The following SPPL2B variants were observed in gnomAD, a reference collection of about 807,000 sequenced individuals.
SPPL2B encodes the protein signal peptide peptidase-like 2B.
A neutral mutation model predicts 59.7 loss-of-function variants in SPPL2B; 39 were observed. That is an observed-to-expected ratio of 0.65 (90% CI 0.51 to 0.85). The LOEUF is 0.85. Among genes scored for constraint, SPPL2B ranks in the 40% least tolerant of loss-of-function variants. The pLI is 0.00. For synonymous variants in SPPL2B, 419 were observed against 370.8 expected, an observed-to-expected ratio of 1.13 and a Z score of -1.49; for missense variants, 865 against 849.0, an observed-to-expected ratio of 1.02 and a Z score of -0.23.
chr19:2,341,589 G>A (rs1224548599), intron 8 of SPPL2B: 8 of 456,072 alleles, frequency 1.8e-5, no homozygotes, highest in Admixed American at 9.4e-5. Context: ...GTCCCCGCCC[G>A]GTCCCCACCG....
At chr19:2,350,445 C>T (rs370304865) in intron 13 of SPPL2B, among the ~76,000 whole-genome samples, 1 of 151,350 alleles carries the variant, frequency 6.6e-6, no homozygotes, top group African/African-American at 2.4e-5. Flanking sequence ...CTCTCATTCG[C>T]TTGATTCCGT....
intron 13 of SPPL2B, 136 bp downstream of exon 13, chr19:2,345,466 A>T (rs1044752194): frequency 2.8e-6 from 2 of 717,022 alleles, no homozygotes; most frequent in Non-Finnish European, 4.7e-6. Flanking sequence ...TAACCATAAC[A>T]CCCTAACCCT....
intron 13 of SPPL2B, among the ~76,000 whole-genome samples, chr19:2,346,819 T>C (rs1030534457): frequency 6.6e-6 from 1 of 152,228 alleles, no homozygotes; most frequent in African/African-American, 2.4e-5. Flanking sequence ...TGTGTCTGTC[T>C]GCGTCTGTTG....
rs1969000635 is a variant in SPPL2B at position 2,341,029 on chromosome 19, CCCCGGGCCCCGGCGGGCA to C, written c.956+16_956+33del. 6.3e-7 allele frequency: 1 copy of C among 1,586,378 alleles called. No individual in the cohort carries two copies. Among genetic ancestry groups the C allele is most frequent in the Non-Finnish European group, 8.6e-7 (1 of 1,165,240 alleles). Reference sequence around the variant, plus strand: ...AACGAGGACCAGTAAGTGCTGCTTCCCCCGGGCCCCGGCGGGCAGCGGAGTCCTCGGGTGCACCAGGGC... The same window carrying C: ...AACGAGGACCAGTAAGTGCTGCTTCCGCGGAGTCCTCGGGTGCACCAGGGC... On this transcript the variant is annotated intron_variant, in intron 8 of 14. Transcript: ENST00000613503.
At chr19:2,328,818 C>T (rs1968125337) in intron 1 of SPPL2B, 43 bp downstream of exon 1, 16 of 1,335,242 alleles carry the variant, frequency 1.2e-5, no homozygotes, top group Middle Eastern at 2.3e-4. Context: ...GGCTGCGGCC[C>T]TTCGGCCTCT....
At chr19:2,343,168 C>T (rs1157457226) in intron 8 of SPPL2B, 43 bp from the exon 9 acceptor site, 2 of 1,515,258 alleles carry the variant, frequency 1.3e-6, no homozygotes, top group Non-Finnish European at 1.8e-6. Context: ...CCTGGGTGGT[C>T]AGCCAGCCTC....
At chr19:2,350,120 C>G (rs555491959) in intron 13 of SPPL2B, among the ~76,000 whole-genome samples, 73 of 147,004 alleles carry the variant, frequency 5.0e-4, no homozygotes, top group African/African-American at 1.6e-3. Context: ...CACTCGCGCT[C>G]TCATTTGCTT....
chr19:2,346,952 C>T (rs1969403519), intron 13 of SPPL2B, among the ~76,000 whole-genome samples: 1 of 151,968 alleles, frequency 6.6e-6, no homozygotes, highest in South Asian at 2.1e-4. Context: ...GCTTGCTGGA[C>T]ACAGCGGCTC....
chr19:2,344,742 A>G, intron 12 of SPPL2B, 90 bp downstream of exon 12: 1 of 818,752 alleles, frequency 1.2e-6, no homozygotes, highest in Non-Finnish European at 2.1e-6. Flanking sequence ...TGGCCCGCAC[A>G]CCGTCGGCTG....
intron 14 of SPPL2B, among the ~76,000 whole-genome samples, chr19:2,352,653 C>T (rs1358447453): frequency 6.6e-6 from 1 of 152,110 alleles, no homozygotes. Flanking sequence ...AAGCCGGGGA[C>T]CAGGCCCAGG....
Position 2,344,113 on chromosome 19 carries a change from C to T in SPPL2B, c.1113+74C>T. On this transcript the variant is annotated intron_variant, in intron 10 of 14. Transcript: ENST00000613503. ...CCCCTCGCAACCCCCGCCCCATCAC[C>T]CCCCCCATCACCCCGCCCCCTCGTC... 11 of 865,502 alleles carry T rather than the reference C, an allele frequency of 1.3e-5. No individual in the cohort carries two copies. The South Asian group carries it at 1.7e-4, about 14-fold the overall frequency. The allele number at this position is 865,502 out of a possible 1,614,324, so 53.6% of individuals were successfully genotyped here.
chr19:2,349,766 T>C lies in SPPL2B; in HGVS notation c.1355-1668T>C, dbSNP rs1319907691. Among the ~76,000 whole-genome samples, 31 of 116,894 alleles carry C rather than the reference T, an allele frequency of 2.7e-4. 1 individual carries two copies. Among genetic ancestry groups the C allele is most frequent in the African/African-American group, 6.5e-4 (18 of 27,666 alleles). 76.7% of individuals were successfully genotyped at this position (116,894 alleles called of 152,430 possible). A position where few individuals can be genotyped will look rare whatever the true frequency, so the allele number is the denominator to read the frequency against. On this transcript the variant is annotated intron_variant, in intron 13 of 14. Transcript: ENST00000613503. ...CTCTCCACACACATGCGCTCTCATTTGCTTGATTCCGTTCTCTCTCCACAC... is the reference window on the plus strand; with the variant it reads ...CTCTCCACACACATGCGCTCTCATTCGCTTGATTCCGTTCTCTCTCCACAC...
At chr19:2,349,759 T>TCACG (rs1969778783) in intron 13 of SPPL2B, among the ~76,000 whole-genome samples, 1 of 139,970 alleles carries the variant, frequency 7.1e-6, no homozygotes, top group African/African-American at 2.9e-5. Context: ...ACACATGCGC[T>TCACG]CTCATTTGCT....
At chr19:2,330,064 G>T (rs1045267993) in intron 1 of SPPL2B, among the ~76,000 whole-genome samples, 53 of 152,140 alleles carry the variant, frequency 3.5e-4, no homozygotes, top group African/African-American at 1.2e-3. Flanking sequence ...ACAGAACTCT[G>T]TGGAGAGAGG....
At chr19:2,346,286 T>C (rs960947205) in intron 13 of SPPL2B, among the ~76,000 whole-genome samples, 7 of 152,380 alleles carry the variant, frequency 4.6e-5, no homozygotes, top group African/African-American at 1.4e-4. Context: ...CAGGCCGGCC[T>C]GTCCCCTCAC....
At chr19:2,344,244 C>T (rs1969234116) in intron 10 of SPPL2B, 118 bp from the exon 11 acceptor site, 1 of 586,940 alleles carries the variant, frequency 1.7e-6, no homozygotes, top group Non-Finnish European at 3.0e-6. Flanking sequence ...CATCACCCCC[C>T]ATCACCCTGC....
At chr19:2,352,651 GA>G (rs1289229663) in intron 14 of SPPL2B, among the ~76,000 whole-genome samples, 1 of 152,154 alleles carries the variant, frequency 6.6e-6, no homozygotes. Context: ...AGAAGCCGGG[GA>G]CCAGGCCCAG....
intron 2 of SPPL2B, among the ~76,000 whole-genome samples, chr19:2,336,104 A>G (rs573829310): frequency 5.3e-5 from 8 of 152,342 alleles, no homozygotes; most frequent in East Asian, 3.9e-4. Flanking sequence ...AGATATGTGC[A>G]TGGACATGTG....
At chr19:2,341,392 G>A (rs1444062054) in intron 8 of SPPL2B, 4 of 473,736 alleles carry the variant, frequency 8.4e-6, no homozygotes, top group Admixed American at 4.7e-5. Flanking sequence ...CAGGGTGTGG[G>A]CACCAGGGCA....
Sources: gnomAD v4.1 joint callset for allele counts (sites outside exome capture counted in the v4.1 genomes callset) on GRCh38, gnomAD v4.1.1 for gene constraint, MANE v1.5 for transcripts, NCBI Gene and HGNC (gene_info 2026-07-23, HGNC 2026-07-21) for gene names.